Variants in DNAJC13 observed in about 807,000 individuals in gnomAD.
The protein encoded by DNAJC13 is dnaJ homolog subfamily C member 13.
Under a neutral mutation model 290.5 loss-of-function variants are expected in DNAJC13, and 75 were observed. The observed-to-expected ratio is 0.26, with a 90% confidence interval of 0.21 to 0.31. DNAJC13 has a LOEUF of 0.31. DNAJC13 is among the 10% of genes least tolerant of loss of function. DNAJC13 has a pLI of 1.00. For missense variants in DNAJC13, 2,260 were observed against 2,674.5 expected (o/e 0.85, Z 3.42); for synonymous variants, 862 against 892.0 (o/e 0.97, Z 0.60).
chr3:132,494,107 T>C lies in DNAJC13; in HGVS notation c.3826-37T>C, dbSNP rs376128250. On this transcript the variant is annotated intron_variant, in intron 33 of 55. Coordinates refer to ENST00000260818, the MANE Select transcript of DNAJC13 (RefSeq NM_015268.4). ...CTTAAAAATTATACTCTGAAATAGT[T>C]TTACTTTGATATAAATTTTAATCTT... 161 of 1,362,742 alleles carry C rather than the reference T, an allele frequency of 1.2e-4. No individual in the cohort carries two copies. The African/African-American group carries it at 2.3e-3, about 19-fold the overall frequency. 84.4% of individuals were successfully genotyped at this position (1,362,742 alleles called of 1,614,324 possible).
At chr3:132,476,995 G>A (rs138530505) in intron 22 of DNAJC13, among the ~76,000 whole-genome samples, 3 of 152,134 alleles carry the variant, frequency 2.0e-5, no homozygotes, top group African/African-American at 7.2e-5. Flanking sequence ...TTTTTTACAG[G>A]CTTCACCTGT....
At chr3:132,523,301 A>G (rs1936153109) in intron 50 of DNAJC13, 102 bp downstream of exon 50, 5 of 1,390,598 alleles carry the variant, frequency 3.6e-6, no homozygotes, top group Non-Finnish European at 5.0e-6. Flanking sequence ...TTTGTCATCA[A>G]GACTCTTGGG....
chr3:132,485,972 A>G (rs895516742), intron 29 of DNAJC13, among the ~76,000 whole-genome samples: 1 of 152,084 alleles, frequency 6.6e-6, no homozygotes, highest in East Asian at 1.9e-4. Context: ...TGCAGTGGGA[A>G]AGAAGAGTTA....
intron 31 of DNAJC13, among the ~76,000 whole-genome samples, chr3:132,490,191 G>A (rs1349575490): frequency 6.6e-6 from 1 of 152,082 alleles, no homozygotes. Flanking sequence ...ACAATGTTTG[G>A]GTTTTTTCCC....
At position 132,456,376 on chromosome 3, in the gene DNAJC13, C is replaced by T; in HGVS notation, c.1074C>T (p.His358=). The change falls in exon 10 of 56, where the codon CAC becomes CAT. Residue 358 remains histidine (H), a synonymous_variant. Coordinates refer to ENST00000260818, the MANE Select transcript of DNAJC13 (RefSeq NM_015268.4). ...MPVDEEVESL[H]LRFLATPPNG... is the part of the protein sequence containing the mutation. ...TTGATGAGGAAGTAGAGAGCCTTCA[C>T]CTCAGGTTCTTAGCTACGCCTCCAA... The T allele has an allele frequency of 1.2e-6, 2 of 1,613,510 alleles. No individual in the cohort carries two copies. Among genetic ancestry groups the T allele is most frequent in the South Asian group, 1.1e-5 (1 of 90,956 alleles).
intron 17 of DNAJC13, among the ~76,000 whole-genome samples, chr3:132,465,720 G>A (rs1933959761): frequency 6.6e-6 from 1 of 151,782 alleles, no homozygotes; most frequent in Non-Finnish European, 1.5e-5. Context: ...TCCTTTAAGT[G>A]GGATAAAAAC....
At chr3:132,475,457 G>T (rs1934439558) in intron 22 of DNAJC13, among the ~76,000 whole-genome samples, 1 of 150,792 alleles carries the variant, frequency 6.6e-6, no homozygotes. Flanking sequence ...TGTGTTAATT[G>T]ATTCTGAATG....
chr3:132,528,215 C>T lies in DNAJC13; in HGVS notation c.6408C>T (p.Tyr2136=). Residue 2136 remains tyrosine (Y), a synonymous_variant, in exon 54 of 56, where the codon TAC becomes TAT. Coordinates refer to ENST00000260818, the MANE Select transcript of DNAJC13 (RefSeq NM_015268.4). The stretch of plus-strand genomic sequence containing the variant: ...CCCTGAAAGCAGATTTGGTTCCATA[C>T]CTCTTAAAATTACTCGAAGGCATTG... ...AQALKADLVP[Y]LLKLLEGIGL... 4.3e-6 allele frequency: 7 copies of T among 1,614,064 alleles called. No individual in the cohort carries two copies. The highest frequency in any genetic ancestry group is 5.9e-6 in the Non-Finnish European group (7 of 1,179,986).
At chr3:132,489,142 A>G in intron 31 of DNAJC13, 121 bp downstream of exon 31, 2 of 708,044 alleles carry the variant, frequency 2.8e-6, no homozygotes, top group South Asian at 2.1e-5. Context: ...GTATTGTTTT[A>G]TTCTGTTCTT....
At position 132,477,841 on chromosome 3, in the gene DNAJC13, G is replaced by A. The variant is rs201629093; in HGVS notation, c.2498G>A (p.Arg833Lys). The A allele has an allele frequency of 2.4e-4, 386 of 1,613,488 alleles. No individual in the cohort carries two copies. The highest frequency in any genetic ancestry group is 3.1e-4 in the Non-Finnish European group (360 of 1,179,814). ...EEIKIGDYYL[R>K]LLLEEDENEE... The stretch of plus-strand genomic sequence containing the variant: ...ATTAAAATAGGAGACTATTACCTGA[G>A]ATTACTATTGGAGGAAGATGAGAAT... The change falls in exon 23 of 56, where the codon AGA becomes AAA. Residue 833 changes from arginine to lysine, a missense_variant. Physicochemically the swap from Arg to Lys is conservative, Grantham distance 26. Around this residue, in one of 3 missense-constraint regions of DNAJC13, gnomAD observed 1,494 missense variants for 1,693.7 expected, o/e 0.88. Transcript: ENST00000260818.
At chr3:132,514,902 C>G in intron 46 of DNAJC13, 1 of 144,998 alleles carries the variant, frequency 6.9e-6, no homozygotes, top group South Asian at 2.5e-4. Context: ...AGGAAAATAA[C>G]CTGGGATTTT....
intron 44 of DNAJC13, among the ~76,000 whole-genome samples, chr3:132,511,666 T>C (rs527674038): frequency 6.6e-6 from 1 of 152,236 alleles, no homozygotes; most frequent in South Asian, 2.1e-4. Context: ...TTGCCTGAAG[T>C]TTTTGGTGTA....
At position 132,484,582 on chromosome 3, in the gene DNAJC13, T is replaced by G; in HGVS notation, c.3183-6T>G. 1 of 1,613,600 alleles carries G rather than the reference T, an allele frequency of 6.2e-7. No homozygotes were observed. The highest frequency in any genetic ancestry group is 8.5e-7 in the Non-Finnish European group (1 of 1,179,584). On this transcript the variant is annotated splice_region_variant and splice_polypyrimidine_tract_variant and intron_variant, in intron 28 of 55. Transcript: ENST00000260818. ...TTAAATGTTGACGTGAGAAAATGTT[T>G]TCTAGGGATCAAGACAATGCCATCA...
chr3:132,473,672 C>T (rs983899350), intron 21 of DNAJC13, among the ~76,000 whole-genome samples: 5 of 152,108 alleles, frequency 3.3e-5, no homozygotes, highest in East Asian at 1.9e-4. Flanking sequence ...TTACCCTGCA[C>T]CCCCTTCCTG....
intron 2 of DNAJC13, among the ~76,000 whole-genome samples, chr3:132,445,428 T>C (rs948294485): frequency 6.6e-6 from 1 of 152,108 alleles, no homozygotes; most frequent in African/African-American, 2.4e-5. Flanking sequence ...TGGTGGGTTT[T>C]TTTCTTATTG....
chr3:132,482,416 T>A, intron 27 of DNAJC13, 86 bp downstream of exon 27: 2 of 1,021,970 alleles, frequency 2.0e-6, no homozygotes, highest in East Asian at 5.2e-5. Context: ...TGGAATGTTT[T>A]AAAGCTGTCA....
intron 33 of DNAJC13, among the ~76,000 whole-genome samples, chr3:132,493,117 T>C (rs1205709977): frequency 6.6e-6 from 1 of 152,050 alleles, no homozygotes; most frequent in African/African-American, 2.4e-5. Flanking sequence ...ATGAAGATTA[T>C]TAAGAATTCA....
At chr3:132,453,268 C>CT (rs758450836) in intron 6 of DNAJC13, 30 bp from the exon 7 acceptor site, 4 of 1,601,316 alleles carry the variant, frequency 2.5e-6, no homozygotes, top group Non-Finnish European at 8.5e-7. Context: ...TGTTTCAACT[C>CT]TGACTTTTTA....
intron 26 of DNAJC13, among the ~76,000 whole-genome samples, chr3:132,481,176 A>G (rs1033501699): frequency 2.8e-4 from 43 of 152,226 alleles, no homozygotes; most frequent in African/African-American, 9.9e-4. Flanking sequence ...GTTAAGACCC[A>G]GAAGTCTATA....
Sources: allele counts gnomAD v4.1 joint callset (sites outside exome capture counted in the v4.1 genomes callset), GRCh38; gene constraint gnomAD v4.1.1; regional missense constraint gnomAD v4.1.1; transcripts MANE v1.5; gene names NCBI Gene and HGNC (gene_info 2026-07-23, HGNC 2026-07-21).